The following GNA14 variants were observed in gnomAD, a reference collection of about 807,000 sequenced individuals.
GNA14 encodes G protein subunit alpha 14, also known as guanine nucleotide-binding protein subunit alpha-14.
GNA14 carries 50 observed loss-of-function variants against 42.0 expected under a neutral mutation model. That is an observed-to-expected ratio of 1.19 (90% CI 0.95 to 1.51). GNA14 has a LOEUF of 1.51. GNA14 is among the 40% of genes most tolerant of loss of function. The probability of loss-of-function intolerance (pLI) is 0.00; values close to 1 mark genes in which losing one functional copy is unlikely to be tolerated. For missense variants in GNA14, 473 were observed against 446.2 expected (o/e 1.06, Z -0.54); for synonymous variants, 173 against 163.1 (o/e 1.06, Z -0.46).
chr9:77,609,968 C>T (rs1823704953), intron 1 of GNA14, among the ~76,000 whole-genome samples: 1 of 152,148 alleles, frequency 6.6e-6, no homozygotes, highest in Non-Finnish European at 1.5e-5. Flanking sequence ...ATCAAACAAC[C>T]AGGGAAGATT....
chr9:77,424,329 TCTC>T (rs1395175639), intron 6 of GNA14, among the ~76,000 whole-genome samples, 160 bp from the exon 7 acceptor site: 1 of 152,188 alleles, frequency 6.6e-6, no homozygotes, highest in Non-Finnish European at 1.5e-5. Flanking sequence ...TTCAAGCAAT[TCTC>T]CTGCCTCAGC....
intron 2 of GNA14, among the ~76,000 whole-genome samples, chr9:77,437,012 A>G (rs1422710014): frequency 2.0e-5 from 3 of 152,046 alleles, no homozygotes; most frequent in African/African-American, 4.8e-5. Flanking sequence ...CGCTTGGCCA[A>G]TCTGTAATTC....
chr9:77,500,026 C>CT (rs55823602), intron 2 of GNA14, among the ~76,000 whole-genome samples: 2,909 of 143,194 alleles, frequency 0.02, 68 homozygotes, highest in African/African-American at 0.062. Flanking sequence ...AATTTCTTTT[C>CT]TTTTTTTTTT....
rs147687866 is a variant in GNA14 at position 77,646,101 on chromosome 9, T to C, written c.124+1569A>G. Among the ~76,000 whole-genome samples the C allele has an allele frequency of 3.1e-4, 47 of 152,280 alleles. 2 individuals are homozygous for C. Among genetic ancestry groups the C allele is most frequent in the Admixed American group, 2.0e-4 (3 of 15,296 alleles). On this transcript the variant is annotated intron_variant, in intron 1 of 6. Transcript: ENST00000341700. ...CAAAGTTATGGGTCAGACACAGAAA[T>C]AGCAGACCTGGCCAATGAACAGAGC... is the stretch of plus-strand genomic sequence containing the variant.
chr9:77,635,772 C>G (rs1471194743), intron 1 of GNA14, among the ~76,000 whole-genome samples: 1 of 152,146 alleles, frequency 6.6e-6, no homozygotes, highest in Non-Finnish European at 1.5e-5. Flanking sequence ...CATGAAGACT[C>G]AGACTAACTC....
intron 1 of GNA14, among the ~76,000 whole-genome samples, chr9:77,534,827 A>G (rs1412315097): frequency 6.6e-6 from 1 of 152,112 alleles, no homozygotes; most frequent in Non-Finnish European, 1.5e-5. Flanking sequence ...CTAATAAAAT[A>G]TTCATGAATG....
chr9:77,543,005 G>T (rs1837678450), intron 1 of GNA14, among the ~76,000 whole-genome samples: 1 of 152,210 alleles, frequency 6.6e-6, no homozygotes, highest in Admixed American at 6.5e-5. Context: ...CCTCCAAAGA[G>T]GATGAGGCCA....
chr9:77,500,626 C>A (rs1166195587), intron 2 of GNA14, among the ~76,000 whole-genome samples: 1 of 152,226 alleles, frequency 6.6e-6, no homozygotes, highest in Non-Finnish European at 1.5e-5. Context: ...GAGTCCTTAA[C>A]TCCTGGCAAC....
At chr9:77,453,880 C>T (rs1220255437) in intron 2 of GNA14, among the ~76,000 whole-genome samples, 1 of 152,200 alleles carries the variant, frequency 6.6e-6, no homozygotes, top group Non-Finnish European at 1.5e-5. Context: ...ACATATAGTT[C>T]AATGGCAACT....
At chr9:77,513,487 G>T (rs1305566880) in intron 2 of GNA14, among the ~76,000 whole-genome samples, 1 of 152,222 alleles carries the variant, frequency 6.6e-6, no homozygotes, top group Non-Finnish European at 1.5e-5. Context: ...GCCTGACATG[G>T]ATTCACACTC....
At chr9:77,557,162 A>G (rs1822798395) in intron 1 of GNA14, among the ~76,000 whole-genome samples, 2 of 152,172 alleles carry the variant, frequency 1.3e-5, no homozygotes, top group South Asian at 4.1e-4. Flanking sequence ...CCAAGGAGGC[A>G]TGCACTACAT....
intron 1 of GNA14, among the ~76,000 whole-genome samples, chr9:77,634,114 A>C (rs1050966746): frequency 1.3e-5 from 2 of 152,196 alleles, no homozygotes; most frequent in African/African-American, 4.8e-5. Context: ...TATAGTTACT[A>C]GGAAAAGTCT....
chr9:77,490,675 A>G (rs540530030), intron 2 of GNA14, among the ~76,000 whole-genome samples: 3 of 152,282 alleles, frequency 2.0e-5, no homozygotes, highest in Admixed American at 6.5e-5. Flanking sequence ...GGCCGCTCCG[A>G]GTGCGGGGCC....
At chr9:77,557,943 G>T (rs1285601909) in intron 1 of GNA14, among the ~76,000 whole-genome samples, 1 of 152,120 alleles carries the variant, frequency 6.6e-6, no homozygotes, top group African/African-American at 2.4e-5. Flanking sequence ...ATGGCTAAAT[G>T]AGCCTTTCCT....
At chr9:77,524,581 G>C (rs903379621) in intron 2 of GNA14, among the ~76,000 whole-genome samples, 1 of 152,114 alleles carries the variant, frequency 6.6e-6, no homozygotes, top group Non-Finnish European at 1.5e-5. Context: ...CAAGTCATAC[G>C]ATACTTTGTA....
At chr9:77,566,855 C>T (rs1011982792) in intron 1 of GNA14, among the ~76,000 whole-genome samples, 1 of 152,152 alleles carries the variant, frequency 6.6e-6, no homozygotes, top group Non-Finnish European at 1.5e-5. Flanking sequence ...CTCTGCTTTT[C>T]AACTGTGGCC....
At chr9:77,477,747 CTTATAA>C (rs893064213) in intron 2 of GNA14, among the ~76,000 whole-genome samples, 3 of 152,110 alleles carry the variant, frequency 2.0e-5, no homozygotes, top group Non-Finnish European at 2.9e-5. Flanking sequence ...TGTTATAAAA[CTTATAA>C]TTATTATCTC....
chr9:77,523,242 C>T (rs1296642852), intron 2 of GNA14, among the ~76,000 whole-genome samples: 2 of 152,164 alleles, frequency 1.3e-5, no homozygotes, highest in Non-Finnish European at 1.5e-5. Flanking sequence ...TTAATTGGCT[C>T]ATGGTTCTGG....
chr9:77,581,002 G>GGGCA lies in GNA14; in HGVS notation c.125-51750_125-51749insTGCC, dbSNP rs1294152240. The stretch of plus-strand genomic sequence containing the variant: ...TTCAATGCTTAAAGATACAATAAAG[G>GGGCA]CACACACACACACACACACACACAC... On this transcript the variant is annotated intron_variant, in intron 1 of 6. Coordinates refer to ENST00000341700, the MANE Select transcript of GNA14 (RefSeq NM_004297.4). 4.5e-3 allele frequency among the ~76,000 whole-genome samples: 654 copies of GGGCA among 144,394 alleles called. 3 individuals are homozygous for GGGCA. The highest frequency in any genetic ancestry group is 5.3e-3 in the Non-Finnish European group (346 of 65,428). 94.7% of individuals were successfully genotyped at this position (144,394 alleles called of 152,430 possible).
Sources: gnomAD v4.1 joint callset for allele counts (sites outside exome capture counted in the v4.1 genomes callset) on GRCh38, gnomAD v4.1.1 for gene constraint, MANE v1.5 for transcripts, NCBI Gene and HGNC (gene_info 2026-07-23, HGNC 2026-07-21) for gene names.